The following HAL variants were observed in gnomAD, a reference collection of about 807,000 sequenced individuals.
HAL encodes histidase.
HAL carries 85 observed loss-of-function variants against 81.1 expected under a neutral mutation model. The ratio of observed to expected loss-of-function variants is 1.05; its 90% CI spans 0.88 to 1.25. The LOEUF (loss-of-function observed/expected upper bound fraction) is 1.25. HAL is among the 50% of genes most tolerant of loss of function. The pLI, the probability that HAL is intolerant of heterozygous loss-of-function variation, is 0.00. For synonymous variants in HAL, 301 were observed against 309.2 expected (o/e 0.97, Z 0.28); for missense variants, 798 against 836.6 (o/e 0.95, Z 0.57).
At position 95,977,948 on chromosome 12, in the gene HAL, C is replaced by G. The variant is rs1390489238; in HGVS notation, c.1650G>C (p.Glu550Asp). 6.2e-7 allele frequency: 1 copy of G among 1,613,988 alleles called. No homozygotes were observed. The highest frequency in any genetic ancestry group is 8.5e-7 in the Non-Finnish European group (1 of 1,179,998). Residue 550 changes from glutamate (E) to aspartate (D), a missense_variant, in exon 18 of 21, where the codon GAG becomes GAC. Glu to Asp is a conservative substitution (Grantham distance 45). Coordinates refer to ENST00000261208, the MANE Select transcript of HAL (RefSeq NM_002108.4). ...RKALRVIEHV[E>D]QVLAIELLAA... is the part of the protein sequence containing the mutation. ...CCCCGAACTCATCAGCATTACCTTG[C>G]TCCACATGCTCGATGACCCTGAGGG...
intron 20 of HAL, chr12:95,976,120 T>C: frequency 2.5e-6 from 1 of 400,704 alleles, no homozygotes; most frequent in Non-Finnish European, 4.7e-6. Context: ...AGAGGACATC[T>C]TGCAGGGGTG....
chr12:95,985,624 CAAAA>C (rs56285140), intron 14 of HAL, among the ~76,000 whole-genome samples: 113 of 77,244 alleles, frequency 1.5e-3, no homozygotes, highest in African/African-American at 5.8e-3. Flanking sequence ...TTGTCTGTCT[CAAAA>C]AAAAAAAAAA....
At chr12:95,975,013 T>C (rs1422593999) in intron 20 of HAL, among the ~76,000 whole-genome samples, 2 of 152,238 alleles carry the variant, frequency 1.3e-5, no homozygotes, top group African/African-American at 4.8e-5. Flanking sequence ...GTGCTGGGAT[T>C]ACAGGCGTGA....
intron 15 of HAL, among the ~76,000 whole-genome samples, 155 bp from the exon 16 acceptor site, chr12:95,981,018 C>T (rs1055606325): frequency 2.0e-5 from 3 of 151,908 alleles, no homozygotes; most frequent in African/African-American, 7.3e-5. Context: ...TATAAAGGGG[C>T]ACAAAAGCAA....
At chr12:95,978,400 T>C (rs760161555) in intron 17 of HAL, among the ~76,000 whole-genome samples, 51 of 152,230 alleles carry the variant, frequency 3.4e-4, no homozygotes, top group Non-Finnish European at 6.3e-4. Context: ...AGAGACATGA[T>C]GGCCATTTTC....
chr12:95,993,696 A>G, intron 7 of HAL, 76 bp downstream of exon 7: 1 of 950,164 alleles, frequency 1.1e-6, no homozygotes, highest in Non-Finnish European at 1.7e-6. Context: ...GGCAAATGTG[A>G]ATTATTTCCC....
At chr12:95,985,316 C>T (rs1225814415) in intron 14 of HAL, among the ~76,000 whole-genome samples, 2 of 151,964 alleles carry the variant, frequency 1.3e-5, no homozygotes, top group Middle Eastern at 3.4e-3. Flanking sequence ...TTGTCTGGGC[C>T]GGGGACGGTC....
chr12:95,972,875 A>T lies in HAL; in HGVS notation c.*1357T>A, dbSNP rs1046501360. The T allele has an allele frequency of 6.6e-6, 1 of 152,222 alleles. No homozygotes were observed. Among genetic ancestry groups the T allele is most frequent in the Non-Finnish European group, 1.5e-5 (1 of 68,044 alleles). The allele number at this position is 152,222 out of a possible 1,614,324, so 9.4% of individuals were successfully genotyped here. A position where few individuals can be genotyped will look rare whatever the true frequency, so the allele number is the denominator to read the frequency against. Reference sequence around the variant, plus strand: ...TTACTGGCTCAATGGCAGCCCACGGATGACAATGCACAAACCTCATTTGTG... The same window carrying T: ...TTACTGGCTCAATGGCAGCCCACGGTTGACAATGCACAAACCTCATTTGTG... On this transcript the variant is annotated 3_prime_UTR_variant, in exon 21 of 21. Transcript: ENST00000261208.
chr12:95,987,897 C>T (rs1199075380), intron 11 of HAL, among the ~76,000 whole-genome samples: 11 of 45,772 alleles, frequency 2.4e-4, no homozygotes, highest in Admixed American at 3.5e-4. Context: ...TTTGGCGGGG[C>T]GGGGGGGGCG....
intron 10 of HAL, chr12:95,989,433 T>A (rs934897362): frequency 6.6e-6 from 1 of 152,272 alleles, no homozygotes; most frequent in Non-Finnish European, 1.5e-5. Context: ...CCCTAGAAGA[T>A]GTTTCAGAAG....
chr12:95,989,412 CT>C (rs1949941419), intron 10 of HAL, among the ~76,000 whole-genome samples: 1 of 152,204 alleles, frequency 6.6e-6, no homozygotes, highest in Non-Finnish European at 1.5e-5. Flanking sequence ...GAACTTCTGG[CT>C]TCAAAAGATC....
At chr12:95,974,833 A>T (rs1431282604) in intron 20 of HAL, among the ~76,000 whole-genome samples, 1 of 151,992 alleles carries the variant, frequency 6.6e-6, no homozygotes, top group Non-Finnish European at 1.5e-5. Flanking sequence ...TCCACCTTCC[A>T]GGTTCAAGCA....
At chr12:95,988,010 C>A (rs4762262) in intron 11 of HAL, among the ~76,000 whole-genome samples, 183 bp downstream of exon 11, 22,623 of 152,112 alleles carry the variant, frequency 0.15, 1,794 homozygotes, top group Middle Eastern at 0.22. Context: ...TACAGGCATC[C>A]GCCACCATGC....
At position 95,992,778 on chromosome 12, in the gene HAL, C is replaced by G. The variant is rs121434327; in HGVS notation, c.617G>C (p.Arg206Thr). ...CCTTAAAGCCAAGAGCATCCGACAC[C>G]TCTCAGGACTTAGTGGTTTCCCAAC... ...SGVGKPLSPE[R>T]CRMLLALRIN... The change falls in exon 9 of 21, where the codon AGG becomes ACG. Residue 206 changes from arginine (R) to threonine (T), a missense_variant. Coordinates refer to ENST00000261208, the MANE Select transcript of HAL (RefSeq NM_002108.4). The G allele has an allele frequency of 8.7e-6, 14 of 1,612,746 alleles. No individual in the cohort carries two copies. In the East Asian group the frequency reaches 2.9e-4, roughly 33 times the overall value.
intron 17 of HAL, among the ~76,000 whole-genome samples, chr12:95,979,994 A>G (rs1336022083): frequency 1.3e-5 from 2 of 152,220 alleles, no homozygotes; most frequent in African/African-American, 4.8e-5. Flanking sequence ...TGATGTGTTA[A>G]TCTGTCTCTT....
chr12:95,992,865 A>G, intron 8 of HAL, 60 bp from the exon 9 acceptor site: 1 of 1,330,022 alleles, frequency 7.5e-7, no homozygotes, highest in Non-Finnish European at 1.0e-6. Context: ...TCTCCTGACA[A>G]TTGCCCTCCC....
intron 3 of HAL, 32 bp downstream of exon 3, chr12:95,994,901 G>C (rs769940534): frequency 6.2e-7 from 1 of 1,608,260 alleles, no homozygotes; most frequent in Non-Finnish European, 8.5e-7. Flanking sequence ...GCCACCCCCA[G>C]AGCAGACCAA....
At chr12:95,975,866 C>T (rs957558266) in intron 20 of HAL, among the ~76,000 whole-genome samples, 2 of 152,154 alleles carry the variant, frequency 1.3e-5, no homozygotes, top group South Asian at 2.1e-4. Context: ...ACTTCAAAAA[C>T]GATATTTAAA....
intron 9 of HAL, among the ~76,000 whole-genome samples, chr12:95,991,382 G>A (rs1949968328): frequency 6.6e-6 from 1 of 152,068 alleles, no homozygotes. Context: ...AAAATGTTTG[G>A]AAACATTGGA....
Sources: gnomAD v4.1 joint callset for allele counts (sites outside exome capture counted in the v4.1 genomes callset) on GRCh38, gnomAD v4.1.1 for gene constraint, MANE v1.5 for transcripts, NCBI Gene and HGNC (gene_info 2026-07-23, HGNC 2026-07-21) for gene names.